The following DAAM1 variants were observed in gnomAD, a reference collection of about 807,000 sequenced individuals.
The protein encoded by DAAM1 is dishevelled associated activator of morphogenesis 1, also known as disheveled-associated activator of morphogenesis 1.
In DAAM1, 52 loss-of-function variants were observed where a neutral mutation model predicts 130.0. That is an observed-to-expected ratio of 0.40 (90% CI 0.32 to 0.50). The LOEUF is 0.50. DAAM1 is among the 20% of genes least tolerant of loss of function. DAAM1 has a pLI of 0.61. For missense variants in DAAM1, 1,134 were observed against 1,303.8 expected, an observed-to-expected ratio of 0.87 and a Z score of 2.01; for synonymous variants, 452 against 444.5, an observed-to-expected ratio of 1.02 and a Z score of -0.21.
intron 15 of DAAM1, among the ~76,000 whole-genome samples, chr14:59,337,515 C>T (rs1375430433): frequency 1.3e-5 from 2 of 152,126 alleles, no homozygotes; most frequent in Admixed American, 6.5e-5. Context: ...GCTGTTGGCC[C>T]GAAAACTGGG....
intron 2 of DAAM1, among the ~76,000 whole-genome samples, chr14:59,289,655 T>C (rs1437386895): frequency 6.6e-6 from 1 of 151,522 alleles, no homozygotes; most frequent in Admixed American, 6.6e-5. Context: ...AAATAAATTG[T>C]TCTCCCAAAA....
chr14:59,334,584 G>T (rs1885554579), intron 15 of DAAM1, among the ~76,000 whole-genome samples: 1 of 152,082 alleles, frequency 6.6e-6, no homozygotes, highest in South Asian at 2.1e-4. Context: ...CATGCAACAG[G>T]AACCCTGCAC....
chr14:59,242,108 C>G (rs920064512), intron 1 of DAAM1, among the ~76,000 whole-genome samples: 1 of 152,196 alleles, frequency 6.6e-6, no homozygotes, highest in Non-Finnish European at 1.5e-5. Flanking sequence ...TGTATCTTAA[C>G]TAAAGTCACA....
chr14:59,295,844 GGAAGA>G (rs1451519695), intron 3 of DAAM1, among the ~76,000 whole-genome samples: 3 of 152,150 alleles, frequency 2.0e-5, no homozygotes, highest in African/African-American at 7.2e-5. Flanking sequence ...GATGTGAGAG[GGAAGA>G]GAAGTTAGAT....
chr14:59,360,936 G>T, intron 22 of DAAM1, 74 bp downstream of exon 22: 1 of 1,343,856 alleles, frequency 7.4e-7, no homozygotes, highest in Non-Finnish European at 1.1e-6. Flanking sequence ...TTCAGCAGAT[G>T]GGTTGTGTTG....
chr14:59,265,773 G>A (rs1266485727), intron 2 of DAAM1: 1 of 152,254 alleles, frequency 6.6e-6, no homozygotes, highest in Non-Finnish European at 1.5e-5. Flanking sequence ...CTATAGTTCT[G>A]CTCCTTCCTG....
At chr14:59,258,424 C>T (rs1215441670) in intron 1 of DAAM1, among the ~76,000 whole-genome samples, 1 of 152,210 alleles carries the variant, frequency 6.6e-6, no homozygotes, top group African/African-American at 2.4e-5. Flanking sequence ...GATGGCCCAC[C>T]TCCTTCCATC....
intron 1 of DAAM1, among the ~76,000 whole-genome samples, chr14:59,236,574 A>G (rs1011310445): frequency 4.6e-5 from 7 of 152,008 alleles, no homozygotes; most frequent in African/African-American, 1.7e-4. Flanking sequence ...TGTTATCTTC[A>G]TGACTTTGCA....
intron 1 of DAAM1, among the ~76,000 whole-genome samples, chr14:59,260,097 T>C (rs1363110811): frequency 6.6e-6 from 1 of 152,214 alleles, no homozygotes; most frequent in Non-Finnish European, 1.5e-5. Context: ...TTGACATTGC[T>C]GAGATCTTTC....
At chr14:59,213,252 A>G (rs925940807) in intron 1 of DAAM1, among the ~76,000 whole-genome samples, 1 of 144,466 alleles carries the variant, frequency 6.9e-6, no homozygotes, top group Non-Finnish European at 1.5e-5. Context: ...CTTCCCCCGT[A>G]TCCCTTCCAG....
chr14:59,325,640 A>C, intron 8 of DAAM1, 24 bp from the exon 9 acceptor site: 1 of 1,604,788 alleles, frequency 6.2e-7, no homozygotes, highest in Admixed American at 1.7e-5. Context: ...TCTACTTAAT[A>C]ACTTTTCTTT....
At chr14:59,277,876 C>T (rs932158712) in intron 2 of DAAM1, among the ~76,000 whole-genome samples, 1 of 152,116 alleles carries the variant, frequency 6.6e-6, no homozygotes, top group African/African-American at 2.4e-5. Context: ...TGATCTGGTA[C>T]AGTAGTCCTC....
intron 2 of DAAM1, among the ~76,000 whole-genome samples, chr14:59,271,750 G>T (rs1036930877): frequency 1.3e-5 from 2 of 152,048 alleles, no homozygotes; most frequent in African/African-American, 4.8e-5. Flanking sequence ...TTATGACCGA[G>T]GCTTATTTTA....
At chr14:59,203,708 G>A (rs1239907179) in intron 1 of DAAM1, among the ~76,000 whole-genome samples, 1 of 152,214 alleles carries the variant, frequency 6.6e-6, no homozygotes, top group Non-Finnish European at 1.5e-5. Flanking sequence ...TAGGGTATTA[G>A]AGGATAAAAA....
At chr14:59,207,787 T>C (rs886263593) in intron 1 of DAAM1, among the ~76,000 whole-genome samples, 14 of 152,214 alleles carry the variant, frequency 9.2e-5, no homozygotes, top group Non-Finnish European at 1.8e-4. Context: ...GAGGGCCTCT[T>C]AGACCACAAA....
chr14:59,296,395 T>C (rs1883955720), intron 3 of DAAM1, among the ~76,000 whole-genome samples: 1 of 152,168 alleles, frequency 6.6e-6, no homozygotes, highest in Admixed American at 6.5e-5. Context: ...GTGATTTGTT[T>C]GATGTGTATT....
intron 2 of DAAM1, among the ~76,000 whole-genome samples, chr14:59,290,335 T>A (rs951435975): frequency 6.6e-5 from 10 of 152,208 alleles, no homozygotes; most frequent in African/African-American, 2.4e-4. Flanking sequence ...GCTAAACATC[T>A]GGACTCTGGA....
chr14:59,192,547 A>C (rs576554930), intron 1 of DAAM1, among the ~76,000 whole-genome samples: 1 of 152,338 alleles, frequency 6.6e-6, no homozygotes, highest in Admixed American at 6.5e-5. Flanking sequence ...AAACAAAGCA[A>C]GGTGTCCAAC....
At position 59,325,750 on chromosome 14, in the gene DAAM1, T is replaced by A. The variant is rs760046726; in HGVS notation, c.1056+20T>A. On this transcript the variant is annotated intron_variant, in intron 9 of 24. Transcript: ENST00000360909. The stretch of plus-strand genomic sequence containing the variant: ...GAACTGGTACGTATGCTTACAATTA[T>A]TCTGGTTTGATTCATCAGTTCACAT... The A allele has an allele frequency of 1.2e-6, 2 of 1,612,904 alleles. No individual in the cohort carries two copies. The highest frequency in any genetic ancestry group is 2.7e-5 in the African/African-American group (2 of 74,932).
Sources: gnomAD v4.1 joint callset for allele counts (sites outside exome capture counted in the v4.1 genomes callset) on GRCh38, gnomAD v4.1.1 for gene constraint, MANE v1.5 for transcripts, NCBI Gene and HGNC (gene_info 2026-07-23, HGNC 2026-07-21) for gene names.